EEPD1: variants seen among roughly 807,000 people sequenced by gnomAD.
EEPD1 encodes the protein endonuclease/exonuclease/phosphatase family domain-containing protein 1.
A neutral mutation model predicts 46.3 loss-of-function variants in EEPD1; 17 were observed. The ratio of observed to expected loss-of-function variants is 0.37; its 90% CI spans 0.25 to 0.55. EEPD1 has a LOEUF of 0.55. EEPD1 is among the 20% of genes least tolerant of loss of function. The probability of loss-of-function intolerance (pLI) is 0.83; values close to 1 mark genes in which losing one functional copy is unlikely to be tolerated. For missense variants in EEPD1, 673 were observed against 745.6 expected (o/e 0.90, Z 1.13); for synonymous variants, 313 against 315.6 (o/e 0.99, Z 0.09).
rs867809300 is a variant in EEPD1, at chr7:36,198,213, C to T, written c.879-40772C>T. 2.7e-4 allele frequency among the ~76,000 whole-genome samples: 40 copies of T among 150,196 alleles called. No homozygotes were observed. In the Middle Eastern group the frequency reaches 0.024, roughly 90 times the overall value. On this transcript the variant is annotated intron_variant, in intron 2 of 7. Coordinates refer to ENST00000242108, the MANE Select transcript of EEPD1 (RefSeq NM_030636.3). ...TGTGTGTTTTGAGAAAAATGGGCAACAGTGTGGGAGATTGAAATAGTTAAA... is the reference window on the plus strand; with the variant it reads ...TGTGTGTTTTGAGAAAAATGGGCAATAGTGTGGGAGATTGAAATAGTTAAA...
chr7:36,175,740 G>A (rs370546256), intron 2 of EEPD1, among the ~76,000 whole-genome samples: 1 of 152,256 alleles, frequency 6.6e-6, no homozygotes, highest in East Asian at 1.9e-4. Context: ...ATGCTCTTAG[G>A]AGCAGAATCA....
At chr7:36,294,131 A>G (rs976365369) in intron 6 of EEPD1, among the ~76,000 whole-genome samples, 9 of 152,166 alleles carry the variant, frequency 5.9e-5, no homozygotes, top group Non-Finnish European at 4.4e-5. Context: ...CTAGAAGGGG[A>G]CACAAGGAAC....
intron 5 of EEPD1, among the ~76,000 whole-genome samples, chr7:36,285,662 G>A (rs975480920): frequency 2.6e-5 from 4 of 152,166 alleles, no homozygotes; most frequent in African/African-American, 7.2e-5. Flanking sequence ...AAGCAGGTCC[G>A]GTGCCTTGGA....
At chr7:36,297,228 G>C in intron 7 of EEPD1, 41 bp downstream of exon 7, 8 of 1,601,074 alleles carry the variant, frequency 5.0e-6, no homozygotes, top group Non-Finnish European at 6.8e-6. Context: ...GTTCAGGAAT[G>C]GAGTGAGAGA....
At chr7:36,156,286 G>A (rs1784823853) in intron 2 of EEPD1, among the ~76,000 whole-genome samples, 1 of 152,146 alleles carries the variant, frequency 6.6e-6, no homozygotes, top group Admixed American at 6.5e-5. Flanking sequence ...AGGTCACAAC[G>A]TTTCCTTGGC....
intron 3 of EEPD1, among the ~76,000 whole-genome samples, chr7:36,255,389 T>C (rs755864503): frequency 6.6e-6 from 1 of 152,212 alleles, no homozygotes; most frequent in African/African-American, 2.4e-5. Flanking sequence ...ATTTATTAAA[T>C]AGGGAACCCT....
chr7:36,298,164 G>T (rs2287070), intron 7 of EEPD1, among the ~76,000 whole-genome samples: 1 of 152,202 alleles, frequency 6.6e-6, no homozygotes, highest in Non-Finnish European at 1.5e-5. Flanking sequence ...AACTAGCCTC[G>T]GTTTGCAGAA....
chr7:36,191,759 C>T (rs1785464834), intron 2 of EEPD1, among the ~76,000 whole-genome samples: 1 of 152,200 alleles, frequency 6.6e-6, no homozygotes, highest in African/African-American at 2.4e-5. Flanking sequence ...AGACTTATGC[C>T]CTGACCATTC....
chr7:36,277,952 GA>G (rs142021396), intron 3 of EEPD1, among the ~76,000 whole-genome samples: 3,092 of 152,248 alleles, frequency 0.02, 117 homozygotes, highest in African/African-American at 0.071. Context: ...ACCTGTGAGT[GA>G]AAAGTTTTTA....
intron 6 of EEPD1, among the ~76,000 whole-genome samples, chr7:36,291,008 T>C (rs941178888): frequency 9.9e-5 from 15 of 152,178 alleles, no homozygotes; most frequent in African/African-American, 3.4e-4. Context: ...AGAAATCCGA[T>C]GTGCTCATTC....
At chr7:36,242,798 G>A (rs1010632124) in intron 3 of EEPD1, among the ~76,000 whole-genome samples, 27 of 150,860 alleles carry the variant, frequency 1.8e-4, no homozygotes, top group African/African-American at 6.1e-4. Flanking sequence ...GCCAGGTGTG[G>A]TGGCAGGTGC....
At chr7:36,280,103 T>C (rs1447762491) in intron 3 of EEPD1, among the ~76,000 whole-genome samples, 5 of 152,108 alleles carry the variant, frequency 3.3e-5, no homozygotes, top group African/African-American at 1.2e-4. Context: ...AGATGGGCAC[T>C]GGGTGGAGGA....
Position 36,284,739 on chromosome 7 carries a change from A to G in EEPD1, c.1095A>G (p.Arg365=), listed in dbSNP as rs1352381509. 6.2e-7 allele frequency: 1 copy of G among 1,609,934 alleles called. No individual in the cohort carries two copies. The highest frequency in any genetic ancestry group is 1.1e-5 in the South Asian group (1 of 90,954). The change falls in exon 5 of 8, where the codon AGA becomes AGG. Residue 365 remains arginine, a synonymous_variant. Coordinates refer to ENST00000242108, the MANE Select transcript of EEPD1 (RefSeq NM_030636.3). ...ACGCGGCTGCCGGCATGGAGCTGAG[A>G]GACGCGGGTTCACAGGAGAGCTCGC... ...LWDAAAGMEL[R]DAGSQESSPS...
intron 2 of EEPD1, among the ~76,000 whole-genome samples, chr7:36,238,463 C>G (rs1583827142): frequency 1.3e-5 from 2 of 152,308 alleles, no homozygotes; most frequent in African/African-American, 4.8e-5. Flanking sequence ...TTTGACTACT[C>G]TAAGATATCT....
intron 2 of EEPD1, among the ~76,000 whole-genome samples, chr7:36,188,448 G>A (rs544116897): frequency 6.6e-5 from 10 of 152,306 alleles, no homozygotes; most frequent in Non-Finnish European, 1.2e-4. Flanking sequence ...TCTGGGTGCT[G>A]TGGTCATGAC....
intron 2 of EEPD1, among the ~76,000 whole-genome samples, chr7:36,196,989 A>C (rs1583801991): frequency 4.7e-5 from 6 of 127,468 alleles, no homozygotes; most frequent in South Asian, 2.7e-4. Context: ...CCGGCCCCCC[A>C]TCGTCTGAGA....
At chr7:36,298,104 A>G (rs576204612) in intron 7 of EEPD1, among the ~76,000 whole-genome samples, 2 of 152,294 alleles carry the variant, frequency 1.3e-5, no homozygotes, top group African/African-American at 4.8e-5. Context: ...CTGTCATGGG[A>G]GGACCCAAAT....
chr7:36,220,909 C>T (rs1468103556), intron 2 of EEPD1, among the ~76,000 whole-genome samples: 1 of 152,178 alleles, frequency 6.6e-6, no homozygotes. Context: ...AAGTGATTCT[C>T]CAGCCTCAGC....
intron 4 of EEPD1, among the ~76,000 whole-genome samples, chr7:36,282,934 CAG>C (rs1422451935): frequency 2.0e-5 from 3 of 152,230 alleles, no homozygotes; most frequent in African/African-American, 7.2e-5. Flanking sequence ...GTGAATCAAA[CAG>C]AATATATCTG....
Sources: allele counts gnomAD v4.1 joint callset (sites outside exome capture counted in the v4.1 genomes callset), GRCh38; gene constraint gnomAD v4.1.1; transcripts MANE v1.5; gene names NCBI Gene and HGNC (gene_info 2026-07-23, HGNC 2026-07-21).